The following SSBP3 variants were observed in gnomAD, a reference collection of about 807,000 sequenced individuals.
SSBP3 encodes the protein single-stranded DNA-binding protein 3.
In SSBP3, 5 loss-of-function variants were observed where a neutral mutation model predicts 69.6. That is an observed-to-expected ratio of 0.07 (90% CI 0.04 to 0.15). The LOEUF is 0.15. Among genes scored for constraint, SSBP3 ranks in the 10% least tolerant of loss-of-function variants. The probability of loss-of-function intolerance (pLI) is 1.00; values close to 1 mark genes in which losing one functional copy is unlikely to be tolerated. For synonymous variants in SSBP3, 196 were observed against 193.4 expected, an observed-to-expected ratio of 1.01 and a Z score of -0.11; for missense variants, 312 against 534.0, an observed-to-expected ratio of 0.58 and a Z score of 4.10.
intron 4 of SSBP3, among the ~76,000 whole-genome samples, chr1:54,287,762 AAGAC>A (rs1645517726): frequency 6.6e-6 from 1 of 152,184 alleles, no homozygotes; most frequent in Non-Finnish European, 1.5e-5. Context: ...TGGAAAGGCC[AAGAC>A]AGACAGAACT....
chr1:54,263,240 G>A (rs1281272449), intron 5 of SSBP3, among the ~76,000 whole-genome samples: 11 of 152,176 alleles, frequency 7.2e-5, no homozygotes, highest in Admixed American at 5.9e-4. Context: ...AGGACTCTGC[G>A]GAAAAGCATT....
At chr1:54,340,046 C>T (rs1646579182) in intron 4 of SSBP3, among the ~76,000 whole-genome samples, 1 of 152,122 alleles carries the variant, frequency 6.6e-6, no homozygotes. Context: ...CTACTTCTTT[C>T]TTAACACACC....
chr1:54,407,665 A>C (rs1319610677), upstream of SSBP3, among the ~76,000 whole-genome samples: 2 of 151,946 alleles, frequency 1.3e-5, no homozygotes, highest in Non-Finnish European at 2.9e-5. Flanking sequence ...TAAAAGAGTC[A>C]AGCAGAAAAA....
intron 5 of SSBP3, 139 bp downstream of exon 5, chr1:54,281,299 A>G (rs1297295325): frequency 1.5e-6 from 1 of 660,646 alleles, no homozygotes; most frequent in African/African-American, 1.9e-5. Flanking sequence ...TGGGAAGGGA[A>G]GGATTTGAAC....
At chr1:54,348,276 G>A (rs1388229701) in intron 4 of SSBP3, among the ~76,000 whole-genome samples, 4 of 145,454 alleles carry the variant, frequency 2.8e-5, no homozygotes, top group Non-Finnish European at 4.5e-5. Context: ...GAGGACAGGT[G>A]GAAATTAGCA....
At chr1:54,326,411 C>G (rs952559451) in intron 4 of SSBP3, 1 of 152,536 alleles carries the variant, frequency 6.6e-6, no homozygotes, top group African/African-American at 2.4e-5. Context: ...CCTTCCAAGC[C>G]TGGTTTGGTA....
intron 4 of SSBP3, among the ~76,000 whole-genome samples, chr1:54,313,106 G>A (rs932858322): frequency 2.6e-5 from 4 of 151,338 alleles, no homozygotes; most frequent in South Asian, 2.1e-4. Flanking sequence ...GGGTTAGGGC[G>A]GTGGAGCCAG....
intron 1 of SSBP3, 26 bp from the exon 2 acceptor site, chr1:54,404,956 G>A (rs547267686): frequency 3.7e-6 from 6 of 1,604,588 alleles, no homozygotes; most frequent in South Asian, 1.1e-5. Context: ...GGGGCAAAGA[G>A]AGAGAGGGAA....
In SSBP3 at chr1:54,304,249, G is replaced by A. The variant is rs960677143; in HGVS notation, c.277-22722C>T. The stretch of plus-strand genomic sequence containing the variant: ...TTCGACCTAGAGTCTTTGGCAATGT[G>A]AACAGGCGGCGAGGCTGTTTACCAT... On this transcript the variant is annotated intron_variant, in intron 4 of 17. Transcript: ENST00000610401. Among the ~76,000 whole-genome samples, 3 of 152,218 alleles carry A rather than the reference G, an allele frequency of 2.0e-5. No homozygotes were observed. In the South Asian group the frequency reaches 6.2e-4, roughly 32 times the overall value.
chr1:54,264,101 G>A (rs1027321962), intron 5 of SSBP3, among the ~76,000 whole-genome samples: 1 of 152,168 alleles, frequency 6.6e-6, no homozygotes, highest in Non-Finnish European at 1.5e-5. Flanking sequence ...AGGAGTTTGA[G>A]ACCAGCCTGG....
intron 4 of SSBP3, among the ~76,000 whole-genome samples, chr1:54,400,133 G>A (rs1451920611): frequency 6.6e-6 from 1 of 152,088 alleles, no homozygotes; most frequent in Non-Finnish European, 1.5e-5. Flanking sequence ...TTTCATGGCC[G>A]CCATATTGTT....
chr1:54,240,231 G>A (rs1644605770), intron 13 of SSBP3, among the ~76,000 whole-genome samples: 1 of 151,864 alleles, frequency 6.6e-6, no homozygotes, highest in South Asian at 2.1e-4. Flanking sequence ...GGCTGAGGCG[G>A]GTGGATCACC....
At chr1:54,273,103 G>T (rs1053715223) in intron 5 of SSBP3, among the ~76,000 whole-genome samples, 1 of 152,260 alleles carries the variant, frequency 6.6e-6, no homozygotes, top group African/African-American at 2.4e-5. Flanking sequence ...CTGCGTTAGG[G>T]GGCAGTCAAG....
chr1:54,325,967 C>G (rs889991879), intron 4 of SSBP3, among the ~76,000 whole-genome samples: 1 of 151,684 alleles, frequency 6.6e-6, no homozygotes, highest in Non-Finnish European at 1.5e-5. Flanking sequence ...CGCCACCCCC[C>G]ACCCAGCAGC....
At chr1:54,322,979 G>C (rs1646240683) in intron 4 of SSBP3, among the ~76,000 whole-genome samples, 1 of 152,202 alleles carries the variant, frequency 6.6e-6, no homozygotes, top group South Asian at 2.1e-4. Flanking sequence ...TACTCCATGG[G>C]TTTCGTTCAC....
At chr1:54,354,743 A>G (rs1009194670) in intron 4 of SSBP3, among the ~76,000 whole-genome samples, 10 of 152,120 alleles carry the variant, frequency 6.6e-5, no homozygotes, top group East Asian at 5.8e-4. Context: ...AATTCAAAAA[A>G]CAAGAAACCC....
intron 7 of SSBP3, among the ~76,000 whole-genome samples, chr1:54,256,139 C>A (rs1314252265): frequency 6.6e-6 from 1 of 151,984 alleles, no homozygotes; most frequent in African/African-American, 2.4e-5. Context: ...CCCTGCATCA[C>A]CTCACTCAGG....
chr1:54,393,890 G>A (rs1055762459), intron 4 of SSBP3, among the ~76,000 whole-genome samples: 1 of 152,088 alleles, frequency 6.6e-6, no homozygotes, highest in African/African-American at 2.4e-5. Flanking sequence ...CTCCAGAGTA[G>A]CTGGGACTAC....
chr1:54,228,847 A>T (rs781219614), intron 14 of SSBP3, 21 bp from the exon 15 acceptor site: 1 of 1,608,412 alleles, frequency 6.2e-7, no homozygotes, highest in South Asian at 1.1e-5. Flanking sequence ...AGCACAGGGC[A>T]TGGCAGCTCA....
Sources: gnomAD v4.1 joint callset for allele counts (sites outside exome capture counted in the v4.1 genomes callset) on GRCh38, gnomAD v4.1.1 for gene constraint, MANE v1.5 for transcripts, NCBI Gene and HGNC (gene_info 2026-07-23, HGNC 2026-07-21) for gene names.